RAB3GAP2: variants seen among roughly 807,000 people sequenced by gnomAD.
RAB3GAP2 encodes rab3 GTPase-activating protein non-catalytic subunit.
In RAB3GAP2, 87 loss-of-function variants were observed where a neutral mutation model predicts 185.3. The observed-to-expected ratio is 0.47, with a 90% CI of 0.39 to 0.56. The LOEUF is 0.56. Among genes scored for constraint, RAB3GAP2 ranks in the 20% least tolerant of loss-of-function variants. The pLI, the probability that RAB3GAP2 is intolerant of heterozygous loss-of-function variation, is 0.00. For missense variants in RAB3GAP2, 1,492 were observed against 1,638.2 expected, an observed-to-expected ratio of 0.91 and a Z score of 1.54; for synonymous variants, 554 against 576.1, an observed-to-expected ratio of 0.96 and a Z score of 0.55.
At chr1:220,189,999 ATATTTTAT>A (rs1423891696) in intron 16 of RAB3GAP2, 57 bp downstream of exon 16, 1 of 1,349,930 alleles carries the variant, frequency 7.4e-7, no homozygotes, top group Non-Finnish European at 1.1e-6. Flanking sequence ...TCCATTCAGA[ATATTTTAT>A]TGATTTAAAA....
At chr1:220,225,967 A>G (rs1428584454) in intron 2 of RAB3GAP2, among the ~76,000 whole-genome samples, 1 of 152,154 alleles carries the variant, frequency 6.6e-6, no homozygotes, top group African/African-American at 2.4e-5. Flanking sequence ...GTAAACAAAC[A>G]ATTCTCTGGG....
chr1:220,238,398 G>A (rs1659633812), intron 1 of RAB3GAP2, among the ~76,000 whole-genome samples: 2 of 152,180 alleles, frequency 1.3e-5, no homozygotes, highest in Admixed American at 1.3e-4. Flanking sequence ...GTTTAACTGA[G>A]TTGTCAGGTT....
chr1:220,171,403 G>A (rs1200860232), intron 23 of RAB3GAP2, among the ~76,000 whole-genome samples: 1 of 152,108 alleles, frequency 6.6e-6, no homozygotes, highest in Non-Finnish European at 1.5e-5. Flanking sequence ...GCCATCTTTG[G>A]CAAGGGCCAA....
At chr1:220,155,338 A>C (rs1657838919) in intron 31 of RAB3GAP2, among the ~76,000 whole-genome samples, 1 of 152,206 alleles carries the variant, frequency 6.6e-6, no homozygotes, top group Non-Finnish European at 1.5e-5. Context: ...CTGTGATTCT[A>C]GGTCATCTGT....
chr1:220,189,365 C>G (rs72747401), intron 17 of RAB3GAP2, among the ~76,000 whole-genome samples: 22,632 of 151,768 alleles, frequency 0.15, 2,121 homozygotes, highest in Admixed American at 0.23. Flanking sequence ...TACAGGCGCC[C>G]GCCAATACTG....
intron 1 of RAB3GAP2, among the ~76,000 whole-genome samples, chr1:220,262,437 T>C (rs1247683740): frequency 6.6e-6 from 1 of 152,214 alleles, no homozygotes; most frequent in East Asian, 1.9e-4. Flanking sequence ...AACTTCATCT[T>C]GCAAATCTGA....
chr1:220,263,952 T>C (rs1261822026), intron 1 of RAB3GAP2, among the ~76,000 whole-genome samples: 1 of 152,064 alleles, frequency 6.6e-6, no homozygotes, highest in African/African-American at 2.4e-5. Flanking sequence ...ACTATAAACA[T>C]GTACATTTAA....
intron 28 of RAB3GAP2, among the ~76,000 whole-genome samples, chr1:220,160,580 G>A (rs1044015964): frequency 2.6e-5 from 4 of 152,178 alleles, no homozygotes; most frequent in Non-Finnish European, 5.9e-5. Flanking sequence ...AGCCTGCACA[G>A]GAATGTCTTC....
chr1:220,225,185 A>G (rs1175113619), intron 2 of RAB3GAP2, among the ~76,000 whole-genome samples: 1 of 152,210 alleles, frequency 6.6e-6, no homozygotes, highest in Admixed American at 6.5e-5. Context: ...AGCCTAGACA[A>G]CTTGTTGCTC....
chr1:220,266,941 T>G, intron 1 of RAB3GAP2: 1 of 1,595,862 alleles, frequency 6.3e-7, no homozygotes. Flanking sequence ...AAAAGGAGGC[T>G]TCCCAACTAA....
At chr1:220,171,807 C>T in intron 23 of RAB3GAP2, 82 bp downstream of exon 23, 1 of 1,561,706 alleles carries the variant, frequency 6.4e-7, no homozygotes, top group Non-Finnish European at 8.8e-7. Context: ...CCAAAAAACC[C>T]CCCGAAAAAC....
chr1:220,179,661 T>C (rs1186762417), intron 21 of RAB3GAP2, among the ~76,000 whole-genome samples: 1 of 152,140 alleles, frequency 6.6e-6, no homozygotes, highest in African/African-American at 2.4e-5. Context: ...GTCAAAATCA[T>C]GTGAAGTATT....
At chr1:220,266,690 C>T in intron 1 of RAB3GAP2, 2 of 1,555,458 alleles carry the variant, frequency 1.3e-6, no homozygotes, top group Non-Finnish European at 8.9e-7. Flanking sequence ...AGGATTTCTC[C>T]CCCTGCACGA....
chr1:220,256,196 AG>A (rs1230206906), intron 1 of RAB3GAP2, among the ~76,000 whole-genome samples: 2 of 152,236 alleles, frequency 1.3e-5, no homozygotes, highest in African/African-American at 4.8e-5. Flanking sequence ...CTTTTCCGAT[AG>A]GCAAATGCTG....
At chr1:220,191,350 C>T (rs1012199699) in intron 13 of RAB3GAP2, 66 bp from the exon 14 acceptor site, 1 of 690,362 alleles carries the variant, frequency 1.4e-6, no homozygotes, top group Admixed American at 2.6e-5. Flanking sequence ...TCCTGAAGTA[C>T]TCTGGAATAG....
chr1:220,240,122 G>A (rs545434340), intron 1 of RAB3GAP2, among the ~76,000 whole-genome samples: 14 of 152,184 alleles, frequency 9.2e-5, no homozygotes, highest in African/African-American at 2.6e-4. Flanking sequence ...TTGCTTACTG[G>A]AGAAATCTAA....
chr1:220,156,204 T>C (rs1269921126), intron 31 of RAB3GAP2, among the ~76,000 whole-genome samples: 1 of 152,098 alleles, frequency 6.6e-6, no homozygotes, highest in Non-Finnish European at 1.5e-5. Flanking sequence ...GCCCACCTTG[T>C]CTTCCCAAAG....
chr1:220,194,396 C>CT (rs570707367), intron 12 of RAB3GAP2, among the ~76,000 whole-genome samples: 23 of 147,042 alleles, frequency 1.6e-4, no homozygotes, highest in Admixed American at 2.7e-4. Flanking sequence ...CCTGCTTTTA[C>CT]TTTTTTTTTT....
chr1:220,225,320 C>T (rs1659383250), intron 2 of RAB3GAP2, among the ~76,000 whole-genome samples: 1 of 152,068 alleles, frequency 6.6e-6, no homozygotes, highest in Admixed American at 6.6e-5. Flanking sequence ...TCTTATAGAT[C>T]AAATGCTCTG....
Sources: allele counts gnomAD v4.1 joint callset (sites outside exome capture counted in the v4.1 genomes callset), GRCh38; gene constraint gnomAD v4.1.1; transcripts MANE v1.5; gene names NCBI Gene and HGNC (gene_info 2026-07-23, HGNC 2026-07-21).